The following UMODL1 variants were observed in gnomAD, a reference collection of about 807,000 sequenced individuals.
The protein encoded by UMODL1 is uromodulin like 1.
UMODL1 carries 128 observed loss-of-function variants against 136.3 expected under a neutral mutation model. The observed-to-expected ratio is 0.94, with a 90% confidence interval of 0.81 to 1.09. The LOEUF (loss-of-function observed/expected upper bound fraction) is 1.09, where lower values mean the gene tolerates loss of function less well. UMODL1 is among the 50% of genes least tolerant of loss of function. UMODL1 has a pLI of 0.00. For missense variants in UMODL1, 1,766 were observed against 1,725.6 expected, an observed-to-expected ratio of 1.02 and a Z score of -0.41; for synonymous variants, 721 against 720.0, an observed-to-expected ratio of 1.00 and a Z score of -0.02.
Position 42,103,632 on chromosome 21 carries a change from G to T in UMODL1, c.1300-236G>T. 3.0e-6 allele frequency: 2 copies of T among 655,852 alleles called. 1 individual carries two copies. The highest frequency in any genetic ancestry group is 3.0e-5 in the South Asian group (2 of 66,186). 40.6% of individuals were successfully genotyped at this position (655,852 alleles called of 1,614,324 possible). On this transcript the variant is annotated intron_variant, in intron 8 of 22. Coordinates refer to ENST00000408910, the MANE Select transcript of UMODL1 (RefSeq NM_001004416.3). ...CCACAACTGGGAGCTTGATTGCAGT[G>T]GTCACTGTGAGTCCCCAGCACACAC...
rs528379334 is a variant in UMODL1 at position 42,084,119 on chromosome 21, G to A, written c.355G>A (p.Gly119Arg). Residue 119 changes from glycine to arginine, a missense_variant, in exon 3 of 23, where the codon GGG becomes AGG. Coordinates refer to ENST00000408910, the MANE Select transcript of UMODL1 (RefSeq NM_001004416.3). ...NQSGQFTSRPGACPAEGPEPS... is the reference protein window; with the variant it reads ...NQSGQFTSRPRACPAEGPEPS... ...GTCCGGGCAGTTCACGTCAAGACCTGGGGCCTGCCCCGCAGAGGGGCCTGA... is the reference window on the plus strand; with the variant it reads ...GTCCGGGCAGTTCACGTCAAGACCTAGGGCCTGCCCCGCAGAGGGGCCTGA... 5.2e-5 allele frequency: 84 copies of A among 1,613,064 alleles called. No individual in the cohort carries two copies. The highest frequency in any genetic ancestry group is 6.7e-5 in the East Asian group (3 of 44,870).
Position 42,103,988 on chromosome 21 carries a change from C to T in UMODL1, c.1420C>T (p.Pro474Ser). The T allele has an allele frequency of 3.1e-6, 5 of 1,614,010 alleles. No individual in the cohort carries two copies. Among genetic ancestry groups the T allele is most frequent in the Non-Finnish European group, 3.4e-6 (4 of 1,180,018 alleles). ...VVRLKLTVQDPGFPMGISTLA... is the reference protein window; with the variant it reads ...VVRLKLTVQDSGFPMGISTLA... ...GAGGCTCAAGCTCACCGTGCAGGAC[C>T]CCGGGTTTCCCATGGGCATCTCCAC... The change falls in exon 9 of 23, where the codon CCC becomes TCC. Residue 474 changes from proline to serine, a missense_variant. Transcript: ENST00000408910.
At chr21:42,086,386 G>C (rs146869616) in intron 4 of UMODL1, 32 of 378,008 alleles carry the variant, frequency 8.5e-5, no homozygotes, top group African/African-American at 5.8e-4. Flanking sequence ...CTCCTTGGCC[G>C]TTAGACTAAG....
At chr21:42,090,602 T>A (rs2066480738) in intron 6 of UMODL1, among the ~76,000 whole-genome samples, 164 bp downstream of exon 6, 1 of 152,234 alleles carries the variant, frequency 6.6e-6, no homozygotes. Flanking sequence ...GTATATTGAC[T>A]TTGGAAACAG....
intron 8 of UMODL1, chr21:42,103,517 T>TATCA: frequency 2.6e-6 from 1 of 389,242 alleles, no homozygotes; most frequent in Admixed American, 3.0e-5. Context: ...CCTCTCCATC[T>TATCA]ATCAATCAAT....
Position 42,109,506 on chromosome 21 carries a change from TC to T in UMODL1, c.1520-55del, listed in dbSNP as rs1025747407. 8.8e-6 allele frequency: 14 copies of T among 1,596,242 alleles called. No homozygotes were observed. In the African/African-American group the frequency reaches 1.9e-4, roughly 21 times the overall value. On this transcript the variant is annotated intron_variant, in intron 9 of 22. Transcript: ENST00000408910. ...GACTCCTTCCAGCATGGGTCTGTCTTCTGATCACTCTTTGGCTGTTTTCTCA... is the reference window on the plus strand; with the variant it reads ...GACTCCTTCCAGCATGGGTCTGTCTTTGATCACTCTTTGGCTGTTTTCTCA...
rs2067016615 is a variant in UMODL1, at chr21:42,123,977, T to G, written c.3147+827T>G. ...CTGGCCTGAGGCCTTCGCACCTCTG[T>G]GTGCACAGATGGGCTCTGGCACCTC... On this transcript the variant is annotated intron_variant, in intron 17 of 22. Transcript: ENST00000408910. The surrounding 1 kb of genome is among the most constrained non-coding windows in gnomAD (Gnocchi z 4.4). 6.6e-6 allele frequency among the ~76,000 whole-genome samples: 1 copy of G among 152,188 alleles called. No individual in the cohort carries two copies. The highest frequency in any genetic ancestry group is 1.5e-5 in the Non-Finnish European group (1 of 68,022).
chr21:42,105,456 A>G (rs899796508), intron 9 of UMODL1, among the ~76,000 whole-genome samples: 1 of 152,216 alleles, frequency 6.6e-6, no homozygotes, highest in African/African-American at 2.4e-5. Context: ...TCGTGGGTAG[A>G]ATGGTGGCCC....
chr21:42,073,349 C>T (rs113878899), intron 1 of UMODL1, among the ~76,000 whole-genome samples: 267 of 152,326 alleles, frequency 1.8e-3, no homozygotes, highest in Non-Finnish European at 2.9e-3. Flanking sequence ...CTGCCCTGGT[C>T]CCGGAAGCTG....
At chr21:42,087,661 T>G (rs1233872451) in intron 4 of UMODL1, among the ~76,000 whole-genome samples, 1 of 152,244 alleles carries the variant, frequency 6.6e-6, no homozygotes, top group Non-Finnish European at 1.5e-5. Flanking sequence ...ACCTGCAGTC[T>G]TGGCAAGGGC....
At chr21:42,065,778 C>T (rs956639352) in intron 1 of UMODL1, among the ~76,000 whole-genome samples, 1 of 152,014 alleles carries the variant, frequency 6.6e-6, no homozygotes, top group Admixed American at 6.5e-5. Context: ...GTGATCTGGC[C>T]GCCTCAGCCT....
chr21:42,113,256 G>A (rs545011374), intron 12 of UMODL1: 94 of 234,986 alleles, frequency 4.0e-4, no homozygotes, highest in African/African-American at 1.6e-3. Flanking sequence ...CATCTGAGGC[G>A]CCACCAAGAA....
chr21:42,111,667 G>C lies in UMODL1; in HGVS notation c.2061G>C (p.Leu687=). Reference sequence around the variant, plus strand: ...GTGGACCCTCCGGTTCTGTAGACCTGCCATTGACCTCCACCCTCACAGCTC... The same window carrying C: ...GTGGACCCTCCGGTTCTGTAGACCTCCCATTGACCTCCACCCTCACAGCTC... The part of the protein sequence containing the change: ...EDSGPSGSVD[L]PLTSTLTALK... The change falls in exon 12 of 23, where the codon CTG becomes CTC. Residue 687 remains leucine, a synonymous_variant. Coordinates refer to ENST00000408910, the MANE Select transcript of UMODL1 (RefSeq NM_001004416.3). 4 of 1,613,898 alleles carry C rather than the reference G, an allele frequency of 2.5e-6. No individual in the cohort carries two copies. In the South Asian group the frequency reaches 4.4e-5, roughly 18 times the overall value.
intron 14 of UMODL1, among the ~76,000 whole-genome samples, chr21:42,118,713 C>T (rs898166397): frequency 2.0e-5 from 3 of 152,114 alleles, no homozygotes; most frequent in Non-Finnish European, 4.4e-5. Flanking sequence ...TCCCTCCCCA[C>T]GACCCTGCAC....
chr21:42,127,338 A>C, intron 19 of UMODL1, 96 bp downstream of exon 19: 8 of 1,169,422 alleles, frequency 6.8e-6, no homozygotes, highest in Non-Finnish European at 1.0e-5. Flanking sequence ...CCATCCAGCA[A>C]TGCCCAGGGC....
intron 1 of UMODL1, among the ~76,000 whole-genome samples, chr21:42,073,692 GCA>G (rs1285433147): frequency 6.6e-6 from 1 of 152,166 alleles, no homozygotes; most frequent in Non-Finnish European, 1.5e-5. Context: ...CCTGCTTTCT[GCA>G]CACTTGTAGG....
intron 2 of UMODL1, among the ~76,000 whole-genome samples, chr21:42,077,342 AAG>A (rs758492626): frequency 5.9e-5 from 9 of 152,096 alleles, no homozygotes; most frequent in Non-Finnish European, 1.2e-4. Flanking sequence ...GAGACGAATT[AAG>A]AGTCTTTTAT....
intron 5 of UMODL1, among the ~76,000 whole-genome samples, chr21:42,088,911 C>T (rs1461048704): frequency 5.9e-5 from 9 of 152,214 alleles, no homozygotes; most frequent in Admixed American, 5.9e-4. Flanking sequence ...TTGCCAAGGA[C>T]ATCCTTGTAC....
At chr21:42,112,010 G>A (rs747420648) in intron 12 of UMODL1, among the ~76,000 whole-genome samples, 15 of 151,990 alleles carry the variant, frequency 9.9e-5, no homozygotes, top group Non-Finnish European at 1.3e-4. Context: ...CTTACTTGTC[G>A]CGTTAGGTGC....
Sources: allele counts gnomAD v4.1 joint callset (sites outside exome capture counted in the v4.1 genomes callset), GRCh38; gene constraint gnomAD v4.1.1; non-coding constraint Gnocchi (gnomAD v3.1); transcripts MANE v1.5; gene names NCBI Gene and HGNC (gene_info 2026-07-23, HGNC 2026-07-21).